RAB3GAP2: variants seen among roughly 807,000 people sequenced by gnomAD.
The protein encoded by RAB3GAP2 is rab3 GTPase-activating protein non-catalytic subunit.
In RAB3GAP2, 87 loss-of-function variants were observed where a neutral mutation model predicts 185.3. The ratio of observed to expected loss-of-function variants is 0.47; its 90% CI spans 0.39 to 0.56. The LOEUF (loss-of-function observed/expected upper bound fraction) is 0.56, where lower values mean the gene tolerates loss of function less well. Among genes scored for constraint, RAB3GAP2 ranks in the 20% least tolerant of loss-of-function variants. The pLI is 0.00. For missense variants in RAB3GAP2, 1,492 were observed against 1,638.2 expected (o/e 0.91, Z 1.54); for synonymous variants, 554 against 576.1 (o/e 0.96, Z 0.55).
intron 1 of RAB3GAP2, among the ~76,000 whole-genome samples, chr1:220,249,665 C>T (rs1659895003): frequency 6.6e-6 from 1 of 152,174 alleles, no homozygotes; most frequent in Admixed American, 6.5e-5. Context: ...GGCAGCCTCT[C>T]CCATCACAGG....
At chr1:220,203,011 T>C (rs527627717) in intron 8 of RAB3GAP2, among the ~76,000 whole-genome samples, 22 of 152,270 alleles carry the variant, frequency 1.4e-4, no homozygotes, top group African/African-American at 5.1e-4. Context: ...AAGTAAGCAA[T>C]TTCTCCCTCT....
At chr1:220,181,330 T>C (rs1558146862) in intron 21 of RAB3GAP2, among the ~76,000 whole-genome samples, 3 of 152,092 alleles carry the variant, frequency 2.0e-5, no homozygotes, top group Non-Finnish European at 2.9e-5. Context: ...TCTGTATCCA[T>C]GGTTTTGGTA....
chr1:220,226,432 T>TAAA (rs199540486), intron 2 of RAB3GAP2, among the ~76,000 whole-genome samples: 1 of 143,428 alleles, frequency 7.0e-6, no homozygotes. Flanking sequence ...ATAATACTCT[T>TAAA]AAAAAAAAAA....
At chr1:220,215,384 G>C (rs956196335) in intron 2 of RAB3GAP2, among the ~76,000 whole-genome samples, 3 of 152,038 alleles carry the variant, frequency 2.0e-5, no homozygotes, top group Non-Finnish European at 2.9e-5. Flanking sequence ...TATTTTAATG[G>C]CGGATCTCTG....
At chr1:220,260,040 T>C (rs1660104000) in intron 1 of RAB3GAP2, among the ~76,000 whole-genome samples, 3 of 152,218 alleles carry the variant, frequency 2.0e-5, no homozygotes, top group Admixed American at 2.0e-4. Context: ...CACAATGAGA[T>C]ACCATCTTAT....
intron 2 of RAB3GAP2, among the ~76,000 whole-genome samples, chr1:220,230,598 A>G (rs887641578): frequency 1.3e-5 from 2 of 152,170 alleles, no homozygotes; most frequent in African/African-American, 4.8e-5. Context: ...ACTTCTTAGC[A>G]CATGATGCTC....
rs373885234 is a variant in RAB3GAP2 at position 220,151,421 on chromosome 1, C to A, written c.4027-15G>T. The A allele has an allele frequency of 3.7e-6, 6 of 1,614,020 alleles. No individual in the cohort carries two copies. The highest frequency in any genetic ancestry group is 5.1e-6 in the Non-Finnish European group (6 of 1,179,930). ...TCCTGGGGGTCCTGCAAATGGGACA[C>A]AAAAATAACCTATTATAGACAACTA... On this transcript the variant is annotated splice_polypyrimidine_tract_variant and intron_variant, in intron 34 of 34. Coordinates refer to ENST00000358951, the MANE Select transcript of RAB3GAP2 (RefSeq NM_012414.4).
intron 1 of RAB3GAP2, among the ~76,000 whole-genome samples, chr1:220,248,614 G>GTTTT (rs201607286): frequency 2.8e-5 from 4 of 144,442 alleles, no homozygotes; most frequent in African/African-American, 1.0e-4. Context: ...ATTTGGTTTG[G>GTTTT]TTTTTTTTTT....
chr1:220,199,376 A>AT (rs1204966932), intron 9 of RAB3GAP2, among the ~76,000 whole-genome samples: 3 of 152,136 alleles, frequency 2.0e-5, no homozygotes, highest in Non-Finnish European at 4.4e-5. Context: ...GGGGGTGAAA[A>AT]TATTTATTCT....
Position 220,151,108 on chromosome 1 carries a change from A to G in RAB3GAP2, c.*143T>C. The G allele has an allele frequency of 1.2e-6, 1 of 835,212 alleles. No homozygotes were observed. Among genetic ancestry groups the G allele is most frequent in the Non-Finnish European group, 1.8e-6 (1 of 548,278 alleles). The allele number at this position is 835,212 out of a possible 1,614,324, so 51.7% of individuals were successfully genotyped here. ...TTTAGCCAGGGTTGCACTTTTTAAA[A>G]GTTGTATATACTTTTATTTATTTTA... is the stretch of plus-strand genomic sequence containing the variant. On this transcript the variant is annotated 3_prime_UTR_variant, in exon 35 of 35. Transcript: ENST00000358951.
In RAB3GAP2 at chr1:220,151,732, A is replaced by G; in HGVS notation, c.3900T>C (p.Leu1300=). The G allele has an allele frequency of 6.2e-7, 1 of 1,612,114 alleles. No homozygotes were observed. The highest frequency in any genetic ancestry group is 2.2e-5 in the East Asian group (1 of 44,854). The change falls in exon 34 of 35, where the codon CTT becomes CTC. Residue 1300 remains leucine, a synonymous_variant. Transcript: ENST00000358951. ...AILQVHDKEV[L]ASQLLVLTGQ... Reference sequence around the variant, plus strand: ...CCGTGAGCACCAGCAGCTGAGAGGCAAGGACCTCTTTGTCATGAACCTGTA... The same window carrying G: ...CCGTGAGCACCAGCAGCTGAGAGGCGAGGACCTCTTTGTCATGAACCTGTA...
chr1:220,271,929 T>TGGGG (rs1553286473), intron 1 of RAB3GAP2, among the ~76,000 whole-genome samples: 5 of 34,564 alleles, frequency 1.4e-4, no homozygotes, highest in African/African-American at 2.4e-4. Flanking sequence ...TGTGTGGGGG[T>TGGGG]GGGGGGAGGG....
In RAB3GAP2 at chr1:220,190,120, T is replaced by A; in HGVS notation, c.1658A>T (p.Asp553Val). 1.2e-6 allele frequency: 2 copies of A among 1,613,534 alleles called. No homozygotes were observed. Among genetic ancestry groups the A allele is most frequent in the Non-Finnish European group, 1.7e-6 (2 of 1,179,512 alleles). The stretch of plus-strand genomic sequence containing the variant: ...TGCTAGTTTCTTCACTAGGTGCATA[T>A]CCTTGGCTCGTTCACTCTTCTTATC... ...LSDKKSERAK[D>V]MHLVKKLAAL... is the part of the protein sequence containing the mutation. The change falls in exon 16 of 35, where the codon GAT becomes GTT. Residue 553 changes from aspartate to valine, a missense_variant. Asp to Val is a radical substitution (Grantham distance 152). This residue lies in a region of RAB3GAP2 where 681 missense variants were observed against 689.1 expected (regional missense o/e 0.99). Transcript: ENST00000358951.
intron 21 of RAB3GAP2, among the ~76,000 whole-genome samples, chr1:220,175,021 C>T (rs534006036): frequency 1.3e-5 from 2 of 152,138 alleles, no homozygotes; most frequent in Admixed American, 1.3e-4. Context: ...CAAAGACATT[C>T]TATACTCAAT....
intron 21 of RAB3GAP2, among the ~76,000 whole-genome samples, chr1:220,178,868 C>T (rs1401055883): frequency 2.0e-5 from 3 of 152,010 alleles, no homozygotes; most frequent in African/African-American, 7.2e-5. Context: ...CAGTGATATG[C>T]ACCTATAGTC....
chr1:220,235,800 G>C (rs925648387), intron 1 of RAB3GAP2, among the ~76,000 whole-genome samples: 5 of 152,124 alleles, frequency 3.3e-5, no homozygotes, highest in Non-Finnish European at 7.3e-5. Flanking sequence ...CAGAGACCCA[G>C]TATCTCTCTA....
intron 2 of RAB3GAP2, among the ~76,000 whole-genome samples, chr1:220,227,657 A>G (rs78319406): frequency 0.069 from 10,492 of 152,220 alleles, 480 homozygotes; most frequent in South Asian, 0.12. Context: ...TCTCCGTAAC[A>G]CCCGACTAAT....
intron 26 of RAB3GAP2, among the ~76,000 whole-genome samples, chr1:220,166,374 A>T (rs1447923923): frequency 6.6e-6 from 1 of 152,240 alleles, no homozygotes; most frequent in Non-Finnish European, 1.5e-5. Context: ...AAGAATTTTG[A>T]TTTGAGAGGA....
chr1:220,178,200 T>C (rs534545237), intron 21 of RAB3GAP2, among the ~76,000 whole-genome samples: 1 of 152,176 alleles, frequency 6.6e-6, no homozygotes, highest in East Asian at 1.9e-4. Flanking sequence ...GGCAAAGTTA[T>C]TCCTTAGAAA....
Sources: gnomAD v4.1 joint callset for allele counts (sites outside exome capture counted in the v4.1 genomes callset) on GRCh38, gnomAD v4.1.1 for gene constraint, gnomAD v4.1.1 regional missense constraint, MANE v1.5 for transcripts, NCBI Gene and HGNC (gene_info 2026-07-23, HGNC 2026-07-21) for gene names.